Variants in LDB2 observed in about 807,000 individuals in gnomAD.
The protein encoded by LDB2 is LIM domain-binding protein 2.
In LDB2, 12 loss-of-function variants were observed where a neutral mutation model predicts 44.3. The ratio of observed to expected loss-of-function variants is 0.27; its 90% CI spans 0.17 to 0.44. LDB2 has a LOEUF of 0.44. LDB2 is among the 20% of genes least tolerant of loss of function. The probability of loss-of-function intolerance (pLI) is 1.00; values close to 1 mark genes in which losing one functional copy is unlikely to be tolerated. For synonymous variants in LDB2, 164 were observed against 174.8 expected, an observed-to-expected ratio of 0.94 and a Z score of 0.49; for missense variants, 344 against 473.5, an observed-to-expected ratio of 0.73 and a Z score of 2.54.
rs182478976 is a variant in LDB2, at chr4:16,546,059, T to A, written c.616-33955A>T. On this transcript the variant is annotated intron_variant, in intron 5 of 7. Coordinates refer to ENST00000304523, the MANE Select transcript of LDB2 (RefSeq NM_001290.5). ...ATGCTCATGAACCCATTTGTCTCATTTTTCCTCATTAAGATTTAATTGAAA... is the reference window on the plus strand; with the variant it reads ...ATGCTCATGAACCCATTTGTCTCATATTTCCTCATTAAGATTTAATTGAAA... Among the ~76,000 whole-genome samples the A allele has an allele frequency of 4.6e-4, 70 of 152,328 alleles. 1 individual carries two copies. The East Asian group carries it at 0.013, about 29-fold the overall frequency.
chr4:16,708,789 C>T (rs1578959544), intron 2 of LDB2, among the ~76,000 whole-genome samples: 1 of 152,188 alleles, frequency 6.6e-6, no homozygotes, highest in African/African-American at 2.4e-5. Flanking sequence ...TTCAAGCTTC[C>T]TGTGCTCTCT....
At chr4:16,718,423 T>A (rs1757538618) in intron 2 of LDB2, among the ~76,000 whole-genome samples, 1 of 152,162 alleles carries the variant, frequency 6.6e-6, no homozygotes, top group Non-Finnish European at 1.5e-5. Flanking sequence ...AAGATGAGAC[T>A]GAGTTTGAGT....
intron 5 of LDB2, among the ~76,000 whole-genome samples, chr4:16,560,758 C>A (rs1741822117): frequency 6.6e-6 from 1 of 152,100 alleles, no homozygotes; most frequent in Admixed American, 6.5e-5. Flanking sequence ...GGCAGAGACA[C>A]AACCAAAAAA....
At chr4:16,821,438 C>G (rs1194385982) in intron 1 of LDB2, among the ~76,000 whole-genome samples, 25 of 148,920 alleles carry the variant, frequency 1.7e-4, no homozygotes, top group African/African-American at 5.9e-4. Flanking sequence ...GGCTGGAGTG[C>G]AGTGGCGCCA....
intron 5 of LDB2, among the ~76,000 whole-genome samples, chr4:16,572,165 CA>C (rs1746775135): frequency 6.6e-6 from 1 of 151,980 alleles, no homozygotes; most frequent in African/African-American, 2.4e-5. Flanking sequence ...TGCCTTAAAT[CA>C]AAAATAAATT....
intron 2 of LDB2, among the ~76,000 whole-genome samples, chr4:16,745,228 G>A (rs1280788321): frequency 6.6e-6 from 1 of 152,146 alleles, no homozygotes; most frequent in African/African-American, 2.4e-5. Context: ...AAGGCAGGCA[G>A]AAGGCCCTCC....
At chr4:16,565,529 A>G (rs957483873) in intron 5 of LDB2, among the ~76,000 whole-genome samples, 4 of 152,046 alleles carry the variant, frequency 2.6e-5, no homozygotes, top group Admixed American at 2.6e-4. Flanking sequence ...TCAGATAATC[A>G]CCTTGCTTAA....
chr4:16,770,509 G>C (rs979251797), intron 1 of LDB2, among the ~76,000 whole-genome samples: 4 of 152,114 alleles, frequency 2.6e-5, no homozygotes, highest in Non-Finnish European at 5.9e-5. Flanking sequence ...GTCCTCACAG[G>C]CTCTCTATCA....
At chr4:16,795,953 G>A (rs1349602475) in intron 1 of LDB2, among the ~76,000 whole-genome samples, 1 of 152,106 alleles carries the variant, frequency 6.6e-6, no homozygotes, top group African/African-American at 2.4e-5. Flanking sequence ...TACTGAGAGG[G>A]AAGGAGGTCC....
At chr4:16,694,898 G>A (rs1578846492) in intron 2 of LDB2, among the ~76,000 whole-genome samples, 1 of 152,170 alleles carries the variant, frequency 6.6e-6, no homozygotes, top group Non-Finnish European at 1.5e-5. Context: ...TAATGCTGAT[G>A]TTCTATCTAT....
intron 1 of LDB2, among the ~76,000 whole-genome samples, chr4:16,814,409 A>G (rs914267090): frequency 1.3e-5 from 2 of 152,178 alleles, no homozygotes; most frequent in Non-Finnish European, 2.9e-5. Context: ...AGAAGAAAAA[A>G]ATGGTTTCCA....
intron 5 of LDB2, among the ~76,000 whole-genome samples, chr4:16,531,649 T>G (rs1730187420): frequency 6.6e-6 from 1 of 152,212 alleles, no homozygotes; most frequent in African/African-American, 2.4e-5. Flanking sequence ...TCTCAAACCT[T>G]AATTGTCTTG....
At chr4:16,518,747 AT>A (rs1164669750) in intron 5 of LDB2, among the ~76,000 whole-genome samples, 1 of 152,256 alleles carries the variant, frequency 6.6e-6, no homozygotes, top group Non-Finnish European at 1.5e-5. Flanking sequence ...TTACGTCTCC[AT>A]AATAGGATAA....
chr4:16,794,202 C>A (rs1776305389), intron 1 of LDB2, among the ~76,000 whole-genome samples: 1 of 152,076 alleles, frequency 6.6e-6, no homozygotes, highest in African/African-American at 2.4e-5. Flanking sequence ...CACCCTGGGG[C>A]AGAGCTGAGA....
intron 2 of LDB2, among the ~76,000 whole-genome samples, chr4:16,630,255 A>G (rs1203345133): frequency 1.3e-5 from 2 of 152,216 alleles, no homozygotes; most frequent in Non-Finnish European, 2.9e-5. Context: ...GAAACCCTAC[A>G]AGCCAGAAGA....
At chr4:16,829,690 G>T (rs1783717087) in intron 1 of LDB2, among the ~76,000 whole-genome samples, 1 of 152,138 alleles carries the variant, frequency 6.6e-6, no homozygotes, top group African/African-American at 2.4e-5. Flanking sequence ...ATGTCACTTA[G>T]TCTGTATGTT....
At chr4:16,518,058 A>G (rs914057385) in intron 5 of LDB2, among the ~76,000 whole-genome samples, 2 of 152,202 alleles carry the variant, frequency 1.3e-5, no homozygotes, top group East Asian at 3.9e-4. Context: ...CCTGCATGCA[A>G]AATGCTTTGC....
chr4:16,802,270 T>A (rs1449192842), intron 1 of LDB2, among the ~76,000 whole-genome samples: 2 of 152,192 alleles, frequency 1.3e-5, no homozygotes, highest in Admixed American at 6.5e-5. Flanking sequence ...GGGGCAGCAG[T>A]CACTGCTGAT....
chr4:16,883,036 C>G (rs572192539), intron 1 of LDB2, among the ~76,000 whole-genome samples: 1 of 152,162 alleles, frequency 6.6e-6, no homozygotes, highest in South Asian at 2.1e-4. Flanking sequence ...AAACAACCAT[C>G]GAGCCTTCCT....
Sources: gnomAD v4.1 joint callset for allele counts (sites outside exome capture counted in the v4.1 genomes callset) on GRCh38, gnomAD v4.1.1 for gene constraint, MANE v1.5 for transcripts, NCBI Gene and HGNC (gene_info 2026-07-23, HGNC 2026-07-21) for gene names.